The following FILIP1L variants were observed in gnomAD, a reference collection of about 807,000 sequenced individuals.
FILIP1L encodes the protein filamin A interacting protein 1 like.
FILIP1L carries 55 observed loss-of-function variants against 96.6 expected under a neutral mutation model. The ratio of observed to expected loss-of-function variants is 0.57; its 90% CI spans 0.46 to 0.71. FILIP1L has a LOEUF of 0.71. Among genes scored for constraint, FILIP1L ranks in the 30% least tolerant of loss-of-function variants. The pLI, the probability that FILIP1L is intolerant of heterozygous loss-of-function variation, is 0.00. For missense variants in FILIP1L, 1,304 were observed against 1,321.2 expected (o/e 0.99, Z 0.20); for synonymous variants, 467 against 473.9 (o/e 0.99, Z 0.19).
chr3:99,852,619 T>C (rs1943756496), intron 4 of FILIP1L, among the ~76,000 whole-genome samples: 2 of 152,156 alleles, frequency 1.3e-5, no homozygotes, highest in South Asian at 4.2e-4. Context: ...CTAATTTTTG[T>C]ATTTTTAGTA....
chr3:99,924,429 AG>A (rs777095547), intron 3 of FILIP1L, 21 bp from the exon 4 acceptor site: 1 of 1,608,090 alleles, frequency 6.2e-7, no homozygotes, highest in East Asian at 2.2e-5. Context: ...AAACATTTAT[AG>A]CCTGTTACCA....
intron 1 of FILIP1L, among the ~76,000 whole-genome samples, chr3:99,955,399 A>G (rs573603676): frequency 6.6e-6 from 1 of 152,338 alleles, no homozygotes; most frequent in South Asian, 2.1e-4. Flanking sequence ...AAGGCTAGAT[A>G]ATTGATTTTT....
intron 4 of FILIP1L, among the ~76,000 whole-genome samples, chr3:99,901,268 G>A (rs1288366231): frequency 6.6e-6 from 1 of 152,146 alleles, no homozygotes; most frequent in African/African-American, 2.4e-5. Context: ...CAACTTAATT[G>A]CTCCAATGAG....
At chr3:99,869,547 CAAGTT>C (rs1297111831) in intron 4 of FILIP1L, among the ~76,000 whole-genome samples, 9 of 152,186 alleles carry the variant, frequency 5.9e-5, no homozygotes, top group Admixed American at 3.3e-4. Flanking sequence ...AACAGACTAA[CAAGTT>C]AAGACTAAGG....
chr3:99,973,715 C>G (rs1330579060), intron 1 of FILIP1L, among the ~76,000 whole-genome samples: 1 of 152,138 alleles, frequency 6.6e-6, no homozygotes, highest in African/African-American at 2.4e-5. Flanking sequence ...GATCTGCACT[C>G]AAAAACCTAT....
chr3:100,019,561 T>C (rs2064768683), intron 1 of FILIP1L, among the ~76,000 whole-genome samples: 1 of 152,202 alleles, frequency 6.6e-6, no homozygotes, highest in Non-Finnish European at 1.5e-5. Context: ...ATACGTAAAA[T>C]TGTTCTATTT....
chr3:99,909,325 G>T (rs1407148652), intron 4 of FILIP1L, among the ~76,000 whole-genome samples: 1 of 152,150 alleles, frequency 6.6e-6, no homozygotes, highest in Non-Finnish European at 1.5e-5. Context: ...AATTTTGATT[G>T]TGTGTATACA....
chr3:99,888,689 T>C (rs2107611676), intron 4 of FILIP1L, among the ~76,000 whole-genome samples: 1 of 152,340 alleles, frequency 6.6e-6, no homozygotes, highest in Admixed American at 6.5e-5. Flanking sequence ...AAAAGAATCT[T>C]CTTAGACTGC....
intron 4 of FILIP1L, chr3:99,898,634 C>T (rs995455437): frequency 4.2e-5 from 8 of 189,338 alleles, no homozygotes; most frequent in Admixed American, 1.1e-4. Context: ...GGCATGATGG[C>T]GGGTGCCTGT....
In FILIP1L at chr3:99,995,252, C is replaced by G. The variant is rs537800682; in HGVS notation, c.-10-64222G>C. On this transcript the variant is annotated intron_variant, in intron 1 of 5. Transcript: ENST00000477258. ...GCCAAAACAAAGGGGCTACGGGGCC[C>G]ATGCAAGTCTGAAATTCAGTGGGGC... 2.6e-5 allele frequency among the ~76,000 whole-genome samples: 4 copies of G among 152,282 alleles called. No individual in the cohort carries two copies. In the South Asian group the frequency reaches 8.3e-4, roughly 32 times the overall value.
chr3:99,947,957 A>G lies in FILIP1L; in HGVS notation c.-10-16927T>C, dbSNP rs555284614. On this transcript the variant is annotated intron_variant, in intron 1 of 5. Transcript: ENST00000477258. ...CTCATCATATAGACTTGAATAAAAA[A>G]TATGAGAATCAGACCTGTAGAGCAT... 2.4e-4 allele frequency among the ~76,000 whole-genome samples: 36 copies of G among 152,388 alleles called. No homozygotes were observed. The South Asian group carries it at 6.4e-3, about 27-fold the overall frequency.
At chr3:100,064,926 G>A (rs1263433322) in intron 1 of FILIP1L, among the ~76,000 whole-genome samples, 3 of 152,170 alleles carry the variant, frequency 2.0e-5, no homozygotes, top group Non-Finnish European at 4.4e-5. Context: ...ATGTATTGCT[G>A]TTGCTGCCTA....
At chr3:99,929,035 G>C (rs1188877858) in intron 3 of FILIP1L, among the ~76,000 whole-genome samples, 2 of 152,224 alleles carry the variant, frequency 1.3e-5, no homozygotes, top group African/African-American at 4.8e-5. Context: ...GAGTTTATTT[G>C]AGGGAAATTT....
chr3:99,865,865 T>C (rs1576528312), intron 4 of FILIP1L, among the ~76,000 whole-genome samples: 1 of 152,208 alleles, frequency 6.6e-6, no homozygotes, highest in East Asian at 1.9e-4. Context: ...ATGATCCTTT[T>C]GTATTTTAGC....
chr3:99,953,807 C>T (rs1248642394), intron 1 of FILIP1L, among the ~76,000 whole-genome samples: 1 of 152,172 alleles, frequency 6.6e-6, no homozygotes, highest in African/African-American at 2.4e-5. Flanking sequence ...AATTAGCTAG[C>T]TTATTCAGTT....
intron 4 of FILIP1L, among the ~76,000 whole-genome samples, chr3:99,860,924 A>G (rs1359093930): frequency 6.6e-5 from 10 of 152,168 alleles, no homozygotes; most frequent in Non-Finnish European, 1.3e-4. Flanking sequence ...TTTTCTTATT[A>G]AAAATACCTA....
intron 4 of FILIP1L, among the ~76,000 whole-genome samples, chr3:99,893,217 G>A (rs1010699341): frequency 2.0e-5 from 3 of 146,678 alleles, no homozygotes; most frequent in Admixed American, 6.9e-5. Flanking sequence ...CCAGGCTGGA[G>A]TGCAGTGGCG....
intron 1 of FILIP1L, among the ~76,000 whole-genome samples, chr3:99,938,551 A>C (rs932426494): frequency 6.6e-6 from 1 of 152,356 alleles, no homozygotes; most frequent in Non-Finnish European, 1.5e-5. Flanking sequence ...ACTGTCTGCT[A>C]TCTTTACATT....
intron 4 of FILIP1L, among the ~76,000 whole-genome samples, chr3:99,863,250 G>C (rs1489195753): frequency 6.6e-6 from 1 of 152,186 alleles, no homozygotes; most frequent in African/African-American, 2.4e-5. Context: ...ACACTCCTAT[G>C]AGAACCTAAT....
Sources: gnomAD v4.1 joint callset for allele counts (sites outside exome capture counted in the v4.1 genomes callset) on GRCh38, gnomAD v4.1.1 for gene constraint, MANE v1.5 for transcripts, NCBI Gene and HGNC (gene_info 2026-07-23, HGNC 2026-07-21) for gene names.